STK33: variants seen among roughly 807,000 people sequenced by gnomAD.
The protein encoded by STK33 is serine/threonine kinase 33, also known as serine/threonine-protein kinase 33.
In STK33, 52 loss-of-function variants were observed where a neutral mutation model predicts 58.0. The observed-to-expected ratio is 0.90, with a 90% CI of 0.72 to 1.13. The LOEUF is 1.13. Ranked by LOEUF, STK33 falls within the 50% of genes most tolerant of loss-of-function variation. STK33 has a pLI of 0.00. For synonymous variants in STK33, 215 were observed against 200.1 expected (o/e 1.07, Z -0.63); for missense variants, 630 against 604.2 (o/e 1.04, Z -0.45).
At chr11:8,396,595 G>C (rs913512773) in intron 15 of STK33, among the ~76,000 whole-genome samples, 25 of 152,316 alleles carry the variant, frequency 1.6e-4, no homozygotes, top group African/African-American at 6.0e-4. Context: ...TGAGGTACCA[G>C]GTTCATCTCA....
intron 12 of STK33, among the ~76,000 whole-genome samples, chr11:8,438,014 C>A (rs2136316221): frequency 6.6e-6 from 1 of 152,298 alleles, no homozygotes; most frequent in Non-Finnish European, 1.5e-5. Context: ...CAATTACTAT[C>A]TATTAAAACA....
chr11:8,483,191 G>A (rs189182128), intron 1 of STK33, among the ~76,000 whole-genome samples: 35 of 151,660 alleles, frequency 2.3e-4, no homozygotes, highest in African/African-American at 7.6e-4. Context: ...TAAGTCACAA[G>A]GAATGAGTTA....
In STK33 at chr11:8,515,762, C is replaced by G. The variant is rs562280107; in HGVS notation, c.-465-35148G>C. ...CTTTGTCTCAATAGATGCAGAGAAG[C>G]ATTTGGATAAAATTCAACACTTTTT... On this transcript the variant is annotated intron_variant, in intron 1 of 15. Coordinates refer to ENST00000687296, the MANE Select transcript of STK33 (RefSeq NM_001352389.2). Among the ~76,000 whole-genome samples, 266 of 152,156 alleles carry G rather than the reference C, an allele frequency of 1.7e-3. 3 individuals carry two copies. The highest frequency in any genetic ancestry group is 0.01 in the Middle Eastern group (3 of 294).
At chr11:8,525,471 C>T (rs903405544) in intron 1 of STK33, among the ~76,000 whole-genome samples, 3 of 152,096 alleles carry the variant, frequency 2.0e-5, no homozygotes, top group Admixed American at 1.3e-4. Context: ...TGATTTAAAA[C>T]AAAGATGACA....
chr11:8,481,927 T>G (rs957767036), intron 1 of STK33, among the ~76,000 whole-genome samples: 2 of 152,240 alleles, frequency 1.3e-5, no homozygotes, highest in African/African-American at 4.8e-5. Flanking sequence ...TATCTTCATA[T>G]TCAACAAAAT....
At chr11:8,409,971 C>T (rs1036155675) in intron 15 of STK33, among the ~76,000 whole-genome samples, 11 of 151,902 alleles carry the variant, frequency 7.2e-5, no homozygotes, top group African/African-American at 1.7e-4. Flanking sequence ...AGCCTAGATC[C>T]GAAGTTATAC....
At chr11:8,416,592 C>T (rs570820899) in intron 14 of STK33, among the ~76,000 whole-genome samples, 3 of 152,280 alleles carry the variant, frequency 2.0e-5, no homozygotes, top group African/African-American at 7.2e-5. Context: ...CTGTACAAAG[C>T]AAGGATTGCC....
At chr11:8,404,018 T>C (rs1339959787) in intron 15 of STK33, among the ~76,000 whole-genome samples, 1 of 152,226 alleles carries the variant, frequency 6.6e-6, no homozygotes, top group Non-Finnish European at 1.5e-5. Flanking sequence ...ATTCAAATTA[T>C]AGGCCTGCAC....
chr11:8,515,882 A>T (rs182874763), intron 1 of STK33, among the ~76,000 whole-genome samples: 1 of 152,244 alleles, frequency 6.6e-6, no homozygotes, highest in South Asian at 2.1e-4. Flanking sequence ...CATAGTTAAC[A>T]TCACACTCAA....
At chr11:8,548,926 A>G (rs1023014421) in intron 1 of STK33, among the ~76,000 whole-genome samples, 1 of 152,062 alleles carries the variant, frequency 6.6e-6, no homozygotes, top group East Asian at 1.9e-4. Flanking sequence ...CAGATTGTTC[A>G]CTGTTGGTGT....
intron 1 of STK33, among the ~76,000 whole-genome samples, chr11:8,501,245 T>C (rs947219899): frequency 6.6e-6 from 1 of 151,970 alleles, no homozygotes; most frequent in African/African-American, 2.4e-5. Context: ...ATCCAGAAAG[T>C]GAAAAATAAC....
intron 1 of STK33, among the ~76,000 whole-genome samples, chr11:8,511,975 C>T (rs979726525): frequency 3.3e-5 from 5 of 152,052 alleles, no homozygotes; most frequent in Non-Finnish European, 5.9e-5. Context: ...GGAAATTCTA[C>T]AAAATGATCA....
chr11:8,541,104 A>G lies in STK33; in HGVS notation c.-466+52979T>C, dbSNP rs549485456. Among the ~76,000 whole-genome samples, 11 of 152,058 alleles carry G rather than the reference A, an allele frequency of 7.2e-5. No individual in the cohort carries two copies. The East Asian group carries it at 1.7e-3, about 24-fold the overall frequency. ...AACATTTTACAATGGAAAATAGATG[A>G]AGCAATTAAGGACCTCTAAAGAATT... On this transcript the variant is annotated intron_variant, in intron 1 of 15. Transcript: ENST00000687296.
chr11:8,494,103 G>T (rs1950861214), intron 1 of STK33, among the ~76,000 whole-genome samples: 1 of 152,114 alleles, frequency 6.6e-6, no homozygotes, highest in Non-Finnish European at 1.5e-5. Context: ...GCCAGAGCAA[G>T]CAGGCAATAG....
At chr11:8,456,827 A>T (rs1419822570) in intron 9 of STK33, among the ~76,000 whole-genome samples, 1 of 152,226 alleles carries the variant, frequency 6.6e-6, no homozygotes, top group Non-Finnish European at 1.5e-5. Context: ...TCCTAATATA[A>T]GCTATGGACT....
chr11:8,469,778 A>G (rs928698858), intron 6 of STK33, among the ~76,000 whole-genome samples: 11 of 152,230 alleles, frequency 7.2e-5, no homozygotes, highest in Non-Finnish European at 4.4e-5. Flanking sequence ...CAGGCATGAA[A>G]ACAACATTCA....
downstream of STK33, among the ~76,000 whole-genome samples, chr11:8,389,007 T>G (rs1436487816): frequency 7.0e-6 from 1 of 141,876 alleles, no homozygotes; most frequent in Non-Finnish European, 1.6e-5. Context: ...AAAACTACCT[T>G]GGGTCAGGAA....
chr11:8,461,966 G>T, intron 7 of STK33, 57 bp from the exon 8 acceptor site: 2 of 1,326,170 alleles, frequency 1.5e-6, no homozygotes, highest in South Asian at 1.5e-5. Context: ...TACATTCCTT[G>T]ATAGAAAAGT....
rs1291598743 is a variant in STK33, at chr11:8,457,354, A to G, written c.684T>C (p.Tyr228=). The G allele has an allele frequency of 1.3e-6, 2 of 1,588,576 alleles. No homozygotes were observed. Among genetic ancestry groups the G allele is most frequent in the Non-Finnish European group, 1.7e-6 (2 of 1,161,666 alleles). ...CCCTCTTCTTACCATTATTGTGAAG[A>G]TATGCTATAGCTGATGCGAGACTTT... ...IIQSLASAIA[Y]LHNNDIVHRD... The change falls in exon 9 of 16, where the codon TAT becomes TAC. Residue 228 remains tyrosine, a synonymous_variant. Coordinates refer to ENST00000687296, the MANE Select transcript of STK33 (RefSeq NM_001352389.2).
Sources: gnomAD v4.1 joint callset for allele counts (sites outside exome capture counted in the v4.1 genomes callset) on GRCh38, gnomAD v4.1.1 for gene constraint, MANE v1.5 for transcripts, NCBI Gene and HGNC (gene_info 2026-07-23, HGNC 2026-07-21) for gene names.